PVRIG: variants seen among roughly 807,000 people sequenced by gnomAD.
PVRIG encodes the protein PVR related immunoglobulin domain containing.
PVRIG carries 16 observed loss-of-function variants against 21.9 expected under a neutral mutation model. The observed-to-expected ratio is 0.73, with a 90% CI of 0.50 to 1.11. PVRIG has a LOEUF of 1.11. PVRIG is among the 50% of genes most tolerant of loss of function. The pLI is 0.00. For synonymous variants in PVRIG, 190 were observed against 181.0 expected, an observed-to-expected ratio of 1.05 and a Z score of -0.40; for missense variants, 435 against 445.7, an observed-to-expected ratio of 0.98 and a Z score of 0.22.
chr7:100,220,389 T>A (rs1000344522), exon 3 of PVRIG: 1 of 1,586,470 alleles, frequency 6.3e-7, no homozygotes, highest in African/African-American at 1.3e-5. Flanking sequence ...CAACACCACC[T>A]TCTGCTGCAA....
chr7:100,221,122 C>A (rs748380798), exon 6 of PVRIG: 1 of 1,613,946 alleles, frequency 6.2e-7, no homozygotes, highest in South Asian at 1.1e-5. Context: ...CACGTGGCAG[C>A]TTTGTCTCTG....
intron 2 of PVRIG, 40 bp downstream of exon 1, chr7:100,220,068 G>C (rs1197858768): frequency 6.2e-7 from 1 of 1,603,910 alleles, no homozygotes; most frequent in African/African-American, 1.3e-5. Flanking sequence ...GCTGCAGGGA[G>C]GGTGATGTAG....
At chr7:100,219,838 C>T in exon 2 of PVRIG, 1 of 1,223,976 alleles carries the variant, frequency 8.2e-7, no homozygotes, top group South Asian at 1.3e-5. Context: ...TTGTGCTCAC[C>T]ACCTCTGGGG....
chr7:100,220,143 A>T (rs761931275), exon 3 of PVRIG: 3 of 1,599,132 alleles, frequency 1.9e-6, no homozygotes, highest in East Asian at 2.3e-5. Context: ...TCAAGTTCGG[A>T]TGGAGGCCAC....
At chr7:100,219,786 G>C in exon 2 of PVRIG, 2 of 774,966 alleles carry the variant, frequency 2.6e-6, no homozygotes, top group Non-Finnish European at 4.4e-6. Flanking sequence ...CTTGGGGACT[G>C]AGCAGGCCCT....
chr7:100,220,796 C>A (rs1391027130), exon 5 of PVRIG: 5 of 1,606,188 alleles, frequency 3.1e-6, no homozygotes, highest in Non-Finnish European at 4.2e-6. Context: ...GCACCAGCCC[C>A]CAGGCACCGA....
At position 100,220,759 on chromosome 7, in the gene PVRIG, G is replaced by A; in HGVS notation, c.597-1G>A. ...CTCTGACCATCCTTGCTCTCTCCCA[G>A]CCCTGCCCCTAGGCTCCAGCCGTCC... On this transcript the variant is annotated splice_acceptor_variant, in intron 4 of 5. Coordinates refer to ENST00000317271, the Ensembl canonical transcript of PVRIG. LOFTEE classifies it high-confidence loss of function. 1 of 1,606,178 alleles carries A rather than the reference G, an allele frequency of 6.2e-7. No individual in the cohort carries two copies. The highest frequency in any genetic ancestry group is 1.1e-5 in the South Asian group (1 of 91,018).
Sources: allele counts gnomAD v4.1 joint callset, GRCh38; gene constraint gnomAD v4.1.1; transcripts MANE v1.5; gene names NCBI Gene and HGNC (gene_info 2026-07-23, HGNC 2026-07-21).